Variants in CNTNAP2 observed in about 807,000 individuals in gnomAD.
CNTNAP2 encodes contactin associated protein 2.
In CNTNAP2, 98 loss-of-function variants were observed where a neutral mutation model predicts 155.2. That is an observed-to-expected ratio of 0.63 (90% CI 0.54 to 0.75). The LOEUF (loss-of-function observed/expected upper bound fraction) is 0.75, where lower values mean the gene tolerates loss of function less well. Among genes scored for constraint, CNTNAP2 ranks in the 30% least tolerant of loss-of-function variants. The pLI is 0.00. For missense variants in CNTNAP2, 1,727 were observed against 1,688.1 expected, an observed-to-expected ratio of 1.02 and a Z score of -0.40; for synonymous variants, 651 against 631.2, an observed-to-expected ratio of 1.03 and a Z score of -0.47.
chr7:147,305,395 A>G (rs550181884), intron 9 of CNTNAP2, among the ~76,000 whole-genome samples: 6 of 152,182 alleles, frequency 3.9e-5, no homozygotes, highest in Non-Finnish European at 8.8e-5. Context: ...GGCTGCCTGA[A>G]AATTTCTTAG....
chr7:146,319,932 C>T (rs1038234673), intron 1 of CNTNAP2, among the ~76,000 whole-genome samples: 1 of 152,200 alleles, frequency 6.6e-6, no homozygotes, highest in South Asian at 2.1e-4. Flanking sequence ...TTTGATTTTA[C>T]ACAGTAAACA....
intron 14 of CNTNAP2, among the ~76,000 whole-genome samples, chr7:147,932,822 C>G (rs1233378259): frequency 6.6e-6 from 1 of 152,104 alleles, no homozygotes; most frequent in Non-Finnish European, 1.5e-5. Context: ...TCTGATAAGG[C>G]ATTAATTTCC....
At chr7:148,174,981 A>G (rs1794906978) in intron 18 of CNTNAP2, among the ~76,000 whole-genome samples, 1 of 151,944 alleles carries the variant, frequency 6.6e-6, no homozygotes, top group Non-Finnish European at 1.5e-5. Context: ...CTGTTCAGCT[A>G]CCAATTATGA....
At chr7:147,654,213 A>C (rs1176480148) in intron 13 of CNTNAP2, among the ~76,000 whole-genome samples, 6 of 152,230 alleles carry the variant, frequency 3.9e-5, no homozygotes, top group Non-Finnish European at 7.4e-5. Context: ...ATAACTAGAC[A>C]AATGTTCTCC....
At chr7:147,690,871 A>G (rs1796077755) in intron 13 of CNTNAP2, among the ~76,000 whole-genome samples, 1 of 152,118 alleles carries the variant, frequency 6.6e-6, no homozygotes, top group Admixed American at 6.6e-5. Context: ...TGTATTTGCA[A>G]TGTAATTATT....
At chr7:148,167,750 A>G (rs1805696910) in intron 17 of CNTNAP2, among the ~76,000 whole-genome samples, 1 of 152,124 alleles carries the variant, frequency 6.6e-6, no homozygotes, top group Non-Finnish European at 1.5e-5. Flanking sequence ...CACACAACTG[A>G]GTAGAAATAG....
chr7:147,501,270 A>G (rs988784127), intron 11 of CNTNAP2, among the ~76,000 whole-genome samples: 3 of 151,844 alleles, frequency 2.0e-5, no homozygotes, highest in African/African-American at 7.3e-5. Context: ...GCCCACAGCT[A>G]TCATCATCCT....
intron 13 of CNTNAP2, among the ~76,000 whole-genome samples, chr7:147,879,896 C>T (rs1489908135): frequency 6.6e-6 from 1 of 152,162 alleles, no homozygotes; most frequent in South Asian, 2.1e-4. Context: ...CACATAGATG[C>T]TTGCATCTTT....
At position 146,584,322 on chromosome 7, in the gene CNTNAP2, A is replaced by C. The variant is rs183812007; in HGVS notation, c.98-189949A>C. 3.0e-3 allele frequency among the ~76,000 whole-genome samples: 462 copies of C among 152,282 alleles called. 2 individuals carry two copies. Among genetic ancestry groups the C allele is most frequent in the Non-Finnish European group, 4.9e-3 (331 of 68,026 alleles). On this transcript the variant is annotated intron_variant, in intron 1 of 23. Coordinates refer to ENST00000361727, the MANE Select transcript of CNTNAP2 (RefSeq NM_014141.6). Reference sequence around the variant, plus strand: ...AATGTGGACAATCATCATTGCACCGAAAGAATTCAGTCAATGCTAATAGAG... The same window carrying C: ...AATGTGGACAATCATCATTGCACCGCAAGAATTCAGTCAATGCTAATAGAG...
At chr7:146,851,650 CTGTGTGTGTGTGTGTGTGTGTGTGTG>C (rs71165041) in intron 3 of CNTNAP2, among the ~76,000 whole-genome samples, 1 of 133,014 alleles carries the variant, frequency 7.5e-6, no homozygotes, top group Non-Finnish European at 1.6e-5. Context: ...CATCTTTCTT[CTGTGTGTGTGTGTGTGTGTGTGTGTG>C]TGTGTGTGTG....
chr7:146,947,595 A>ATG (rs1298171738), intron 3 of CNTNAP2, among the ~76,000 whole-genome samples: 26 of 140,656 alleles, frequency 1.8e-4, no homozygotes, highest in African/African-American at 5.4e-4. Flanking sequence ...ATATATATAT[A>ATG]TATGTATATA....
At chr7:146,473,396 C>A (rs1163332995) in intron 1 of CNTNAP2, among the ~76,000 whole-genome samples, 1 of 151,812 alleles carries the variant, frequency 6.6e-6, no homozygotes, top group African/African-American at 2.4e-5. Context: ...GCCTCTTTTC[C>A]CTTCTTCTTT....
intron 15 of CNTNAP2, among the ~76,000 whole-genome samples, chr7:148,088,828 G>A (rs1377225401): frequency 6.6e-6 from 1 of 151,768 alleles, no homozygotes; most frequent in Non-Finnish European, 1.5e-5. Context: ...GCATTACCCT[G>A]ATAACAAAGC....
chr7:146,186,095 C>T (rs4612253), intron 1 of CNTNAP2, among the ~76,000 whole-genome samples: 55 of 152,196 alleles, frequency 3.6e-4, no homozygotes, highest in Admixed American at 1.7e-3. Context: ...GGATTGTAAT[C>T]ACTGTCAGTA....
intron 18 of CNTNAP2, among the ~76,000 whole-genome samples, chr7:148,209,320 G>A (rs1292388997): frequency 1.5e-5 from 2 of 129,894 alleles, no homozygotes; most frequent in African/African-American, 2.9e-5. Context: ...TTTTTTTAGC[G>A]ACAGGGTCCC....
intron 12 of CNTNAP2, among the ~76,000 whole-genome samples, chr7:147,631,158 T>A (rs112399161): frequency 0.048 from 7,377 of 152,214 alleles, 601 homozygotes; most frequent in African/African-American, 0.17. Context: ...CACAATTCAG[T>A]AGCACTGCTA....
intron 13 of CNTNAP2, among the ~76,000 whole-genome samples, chr7:147,853,336 G>C (rs1414489264): frequency 6.6e-6 from 1 of 152,114 alleles, no homozygotes; most frequent in East Asian, 1.9e-4. Flanking sequence ...CTGTTACGAA[G>C]GAAATGTCTT....
In CNTNAP2 at chr7:147,869,358, G is replaced by A. The variant is rs149894543; in HGVS notation, c.2099-34207G>A. Reference sequence around the variant, plus strand: ...ATAGTTTGATCATGAGATATTGCTTGCAGTGTAAGTTTCATAGAAGAAAAA... The same window carrying A: ...ATAGTTTGATCATGAGATATTGCTTACAGTGTAAGTTTCATAGAAGAAAAA... On this transcript the variant is annotated intron_variant, in intron 13 of 23. Transcript: ENST00000361727. 3.6e-3 allele frequency among the ~76,000 whole-genome samples: 550 copies of A among 152,304 alleles called. 3 individuals carry two copies. The highest frequency in any genetic ancestry group is 6.0e-3 in the Non-Finnish European group (411 of 68,034).
intron 18 of CNTNAP2, among the ~76,000 whole-genome samples, chr7:148,209,525 T>C: frequency 6.6e-6 from 1 of 151,818 alleles, no homozygotes; most frequent in East Asian, 1.9e-4. Context: ...CCACCATCTA[T>C]CCAAAAATCC....
Sources: gnomAD v4.1 joint callset for allele counts (sites outside exome capture counted in the v4.1 genomes callset) on GRCh38, gnomAD v4.1.1 for gene constraint, MANE v1.5 for transcripts, NCBI Gene and HGNC (gene_info 2026-07-23, HGNC 2026-07-21) for gene names.